Variants in ORC5 observed in about 807,000 individuals in gnomAD.
The protein encoded by ORC5 is protein phosphatase 1, regulatory subunit 117.
A neutral mutation model predicts 58.8 loss-of-function variants in ORC5; 39 were observed. That is an observed-to-expected ratio of 0.66 (90% confidence interval 0.51 to 0.87). ORC5 has a LOEUF of 0.87. Ranked by LOEUF, ORC5 falls within the 40% of genes least tolerant of loss-of-function variation. The probability of loss-of-function intolerance (pLI) is 0.00; values close to 1 mark genes in which losing one functional copy is unlikely to be tolerated. For missense variants in ORC5, 493 were observed against 506.3 expected (o/e 0.97, Z 0.25); for synonymous variants, 218 against 177.6 (o/e 1.23, Z -1.81).
intron 2 of ORC5, among the ~76,000 whole-genome samples, chr7:104,203,130 C>T (rs1799985950): frequency 6.6e-6 from 1 of 151,980 alleles, no homozygotes; most frequent in Non-Finnish European, 1.5e-5. Context: ...AAAGCCATTC[C>T]AAGTAGGGGA....
At chr7:104,173,706 T>A (rs1799259289) in intron 8 of ORC5, among the ~76,000 whole-genome samples, 1 of 152,208 alleles carries the variant, frequency 6.6e-6, no homozygotes, top group Non-Finnish European at 1.5e-5. Flanking sequence ...TAAGGACAAG[T>A]GTCCTTCTGG....
At chr7:104,195,863 T>C (rs573278467) in intron 4 of ORC5, among the ~76,000 whole-genome samples, 2 of 152,202 alleles carry the variant, frequency 1.3e-5, no homozygotes, top group African/African-American at 2.4e-5. Flanking sequence ...AAGATATTTA[T>C]TGGGCAGAAA....
At chr7:104,127,798 A>G (rs1220171926) in intron 13 of ORC5, among the ~76,000 whole-genome samples, 1 of 152,214 alleles carries the variant, frequency 6.6e-6, no homozygotes, top group African/African-American at 2.4e-5. Context: ...ATTTTTTAAA[A>G]TGTGGAATGG....
chr7:104,174,003 C>A, intron 8 of ORC5, among the ~76,000 whole-genome samples: 1 of 151,382 alleles, frequency 6.6e-6, no homozygotes, highest in Non-Finnish European at 1.5e-5. Flanking sequence ...CGCCACTACG[C>A]CCGGCTAATT....
intron 12 of ORC5, among the ~76,000 whole-genome samples, 173 bp from the exon 13 acceptor site, chr7:104,137,066 C>T: frequency 6.6e-6 from 1 of 150,404 alleles, no homozygotes; most frequent in African/African-American, 2.4e-5. Context: ...GTTTTCCAGT[C>T]TAACAACCAA....
intron 12 of ORC5, among the ~76,000 whole-genome samples, chr7:104,147,825 T>A (rs1798786172): frequency 6.6e-6 from 1 of 152,214 alleles, no homozygotes; most frequent in East Asian, 1.9e-4. Flanking sequence ...TGGGTGTTGA[T>A]GATTAGAAAA....
chr7:104,200,681 A>C (rs920388966), intron 3 of ORC5, 77 bp downstream of exon 3: 2 of 939,358 alleles, frequency 2.1e-6, no homozygotes, highest in East Asian at 5.2e-5. Flanking sequence ...GAGACTCAAA[A>C]CAAATATATG....
intron 12 of ORC5, among the ~76,000 whole-genome samples, chr7:104,140,023 C>T (rs1427905698): frequency 6.6e-6 from 1 of 151,870 alleles, no homozygotes; most frequent in Non-Finnish European, 1.5e-5. Context: ...ATTATAATAA[C>T]CCTTTTATTC....
At position 104,129,102 on chromosome 7, in the gene ORC5, C is replaced by T. The variant is rs76325606; in HGVS notation, c.1263-2209G>A. The stretch of plus-strand genomic sequence containing the variant: ...AGAAATAATTGCAAGTAAGTTGTGA[C>T]GGCTGCAGAGAAATGTTTGTCTAAT... On this transcript the variant is annotated intron_variant, in intron 13 of 13. Coordinates refer to ENST00000297431, the MANE Select transcript of ORC5 (RefSeq NM_002553.4). The surrounding 1 kb of genome is among the most constrained non-coding windows in gnomAD (Gnocchi z 4.9). Among the ~76,000 whole-genome samples the T allele has an allele frequency of 7.0e-3, 1,069 of 152,086 alleles. 51 individuals carry two copies. In the East Asian group the frequency reaches 0.13, roughly 18 times the overall value.
chr7:104,155,754 A>C (rs1798916009), intron 12 of ORC5, among the ~76,000 whole-genome samples: 3 of 151,616 alleles, frequency 2.0e-5, no homozygotes, highest in Non-Finnish European at 3.0e-5. Flanking sequence ...ATAATCTTAA[A>C]GAACTGTACT....
intron 1 of ORC5, among the ~76,000 whole-genome samples, chr7:104,207,353 A>G (rs1800114690): frequency 6.6e-6 from 1 of 152,212 alleles, no homozygotes; most frequent in Non-Finnish European, 1.5e-5. Context: ...GACTGTTACA[A>G]TTCTGGAAAA....
At chr7:104,178,649 G>C (rs1799371620) in intron 8 of ORC5, among the ~76,000 whole-genome samples, 1 of 152,096 alleles carries the variant, frequency 6.6e-6, no homozygotes, top group Non-Finnish European at 1.5e-5. Context: ...CCTATGTCCT[G>C]AATGGTGTTG....
rs549500003 is a variant in ORC5, at chr7:104,165,634, C to T, written c.991-352G>A. ...ATTTTTATTCATCCCATAAGTCTGG[C>T]AATCCACATAATAAACGCTGACGGA... On this transcript the variant is annotated intron_variant, in intron 10 of 13. Coordinates refer to ENST00000297431, the MANE Select transcript of ORC5 (RefSeq NM_002553.4). The T allele has an allele frequency of 3.7e-4, 69 of 184,222 alleles. No homozygotes were observed. In the South Asian group the frequency reaches 8.8e-3, roughly 23 times the overall value. 11.4% of individuals were successfully genotyped at this position (184,222 alleles called of 1,614,324 possible).
At chr7:104,135,631 C>A (rs960798496) in intron 13 of ORC5, among the ~76,000 whole-genome samples, 4 of 152,016 alleles carry the variant, frequency 2.6e-5, no homozygotes, top group African/African-American at 9.7e-5. Flanking sequence ...TTTTTCAGAG[C>A]ATTTTGAATT....
intron 12 of ORC5, among the ~76,000 whole-genome samples, chr7:104,137,607 G>A (rs772161772): frequency 4.6e-5 from 7 of 152,036 alleles, no homozygotes; most frequent in Non-Finnish European, 1.0e-4. Context: ...GTGGCTGGAC[G>A]TTAAGAGGAA....
At position 104,168,298 on chromosome 7, in the gene ORC5, A is replaced by C. The variant is rs1304667323; in HGVS notation, c.877+175T>G. ...TTCAAACTTTTATTTCCTCCCATTA[A>C]ATTAGAGCTTCAGTTAAAGAAAAAT... On this transcript the variant is annotated intron_variant, in intron 9 of 13. Transcript: ENST00000297431. 7.6e-6 allele frequency: 9 copies of C among 1,191,098 alleles called. No homozygotes were observed. The African/African-American group carries it at 1.3e-4, about 17-fold the overall frequency. 73.8% of individuals were successfully genotyped at this position (1,191,098 alleles called of 1,614,324 possible). A position where few individuals can be genotyped will look rare whatever the true frequency, so the allele number is the denominator to read the frequency against.
In ORC5 at chr7:104,167,533, GT is replaced by G. The variant is rs534588333; in HGVS notation, c.878-650del. 2.1e-4 allele frequency among the ~76,000 whole-genome samples: 32 copies of G among 152,076 alleles called. 1 individual carries two copies. The East Asian group carries it at 2.1e-3, about 10-fold the overall frequency. On this transcript the variant is annotated intron_variant, in intron 9 of 13. Transcript: ENST00000297431. ...ATTTGTTGAAGGAGCTATGTCTAAT[GT>G]TTTTTTGTATCCCTACACTGCCTTG...
At chr7:104,139,503 G>T (rs558036878) in intron 12 of ORC5, among the ~76,000 whole-genome samples, 1 of 151,952 alleles carries the variant, frequency 6.6e-6, no homozygotes, top group Non-Finnish European at 1.5e-5. Context: ...GTATTTAGTC[G>T]ATTACTTTAC....
At chr7:104,134,303 C>T (rs1368250389) in intron 13 of ORC5, among the ~76,000 whole-genome samples, 1 of 150,494 alleles carries the variant, frequency 6.6e-6, no homozygotes, top group African/African-American at 2.5e-5. Context: ...TGATCCCAGC[C>T]ACACAGGAGG....
Sources: allele counts gnomAD v4.1 joint callset (sites outside exome capture counted in the v4.1 genomes callset), GRCh38; gene constraint gnomAD v4.1.1; non-coding constraint Gnocchi (gnomAD v3.1); transcripts MANE v1.5; gene names NCBI Gene and HGNC (gene_info 2026-07-23, HGNC 2026-07-21).